Variants in NANOS3 observed in about 807,000 individuals in gnomAD.
NANOS3 encodes the protein nanos homolog 3.
NANOS3 carries 11 observed loss-of-function variants against 13.8 expected under a neutral mutation model. That is an observed-to-expected ratio of 0.80 (90% CI 0.50 to 1.32). The LOEUF is 1.32. Ranked by LOEUF, NANOS3 falls within the 40% of genes most tolerant of loss-of-function variation. The probability of loss-of-function intolerance (pLI) is 0.00; values close to 1 mark genes in which losing one functional copy is unlikely to be tolerated. For missense variants in NANOS3, 221 were observed against 263.8 expected, an observed-to-expected ratio of 0.84 and a Z score of 1.12; for synonymous variants, 119 against 115.4, an observed-to-expected ratio of 1.03 and a Z score of -0.20.
chr19:13,871,290 G>C (rs996997725), intron 1 of NANOS3, among the ~76,000 whole-genome samples: 3 of 152,146 alleles, frequency 2.0e-5, no homozygotes, highest in Non-Finnish European at 4.4e-5. Flanking sequence ...GGCTGGGCAG[G>C]AGACCCAGAT....
chr19:13,876,987 G>A (rs550801600), upstream of NANOS3, among the ~76,000 whole-genome samples: 101 of 152,130 alleles, frequency 6.6e-4, no homozygotes, highest in Non-Finnish European at 1.1e-3. Flanking sequence ...GTAGTCCCCC[G>A]GCACAGCCAG....
chr19:13,868,066 T>TTGCTCTGTCACCCAGGCTGGAG (rs373601354), intron 1 of NANOS3, among the ~76,000 whole-genome samples: 5 of 151,320 alleles, frequency 3.3e-5, no homozygotes, highest in African/African-American at 7.3e-5. Context: ...AGACAGAGTC[T>TTGCTCTGTCACCCAGGCTGGAG]TGCTCTGTCA....
chr19:13,873,883 T>C (rs1968451127), upstream of NANOS3, among the ~76,000 whole-genome samples: 1 of 136,028 alleles, frequency 7.4e-6, no homozygotes, highest in Non-Finnish European at 1.6e-5. Flanking sequence ...TAGGGGTGCG[T>C]ACCTGTAGGC....
intron 1 of NANOS3, among the ~76,000 whole-genome samples, chr19:13,878,079 C>A (rs1270962952): frequency 6.6e-6 from 1 of 151,734 alleles, no homozygotes; most frequent in Non-Finnish European, 1.5e-5. Context: ...CGGCTAATTG[C>A]CACCATGCCC....
Position 13,877,758 on chromosome 19 carries a change from A to T in NANOS3, c.510A>T (p.Gly170=). Residue 170 remains glycine, a synonymous_variant, in exon 1 of 2, where the codon GGA becomes GGT. Coordinates refer to ENST00000339133, the MANE Select transcript of NANOS3 (RefSeq NM_001098622.3). ...CAGGCCACCGCCGAGGAGGAGGAGG[A>T]GGAGCAGGTGCCTGCACAGGTGGCT... ...QDTGHRRGGG[G]GAGFRGAGKS... is the part of the protein sequence containing the mutation. The T allele has an allele frequency of 6.4e-7, 1 of 1,562,102 alleles. No homozygotes were observed.
chr19:13,877,859 T>G (rs1599305621), intron 1 of NANOS3, 94 bp downstream of exon 1: 2 of 1,457,738 alleles, frequency 1.4e-6, no homozygotes, highest in East Asian at 5.0e-5. Context: ...CCTCCAAGGG[T>G]TAGGGGAAGA....
chr19:13,873,933 G>C (rs1968454038), upstream of NANOS3, among the ~76,000 whole-genome samples: 1 of 151,968 alleles, frequency 6.6e-6, no homozygotes, highest in Non-Finnish European at 1.5e-5. Context: ...GCCGAACTCT[G>C]TGCGATCACT....
At chr19:13,874,071 A>T (rs1194597395), upstream of NANOS3, among the ~76,000 whole-genome samples, 3 of 152,100 alleles carry the variant, frequency 2.0e-5, no homozygotes, top group Non-Finnish European at 4.4e-5. Context: ...CCGAGTTCAG[A>T]TGCTGTGTGA....
Position 13,880,594 on chromosome 19 carries a change from T to TC in NANOS3, c.*97dup. 4 of 1,057,138 alleles carry TC rather than the reference T, an allele frequency of 3.8e-6. No individual in the cohort carries two copies. Among genetic ancestry groups the TC allele is most frequent in the East Asian group, 2.5e-5 (1 of 40,288 alleles). The allele number at this position is 1,057,138 out of a possible 1,614,324, so 65.5% of individuals were successfully genotyped here. ...GACGACTGCCCCCACTCCCAGACCC[T>TC]CCCCCCAGCCTGGGATTGAGCCCTG... On this transcript the variant is annotated 3_prime_UTR_variant, in exon 2 of 2. Coordinates refer to ENST00000339133, the MANE Select transcript of NANOS3 (RefSeq NM_001098622.3).
At position 13,866,037 on chromosome 19, in the gene NANOS3, C is replaced by G. The variant is rs34955945; in HGVS notation, n.21+600C>G. 2.0e-5 allele frequency among the ~76,000 whole-genome samples: 3 copies of G among 152,010 alleles called. No homozygotes were observed. In the East Asian group the frequency reaches 5.8e-4, roughly 29 times the overall value. ...CAGGCCTGGCCGCGGGCTGGGGGTG[C>G]TGCAGCCGCGCCACCTCCGGAAGCC... On this transcript the variant is annotated intron_variant and non_coding_transcript_variant, in intron 1 of 2. Transcript: ENST00000591161.
rs1013612666 is a variant in NANOS3 at position 13,870,740 on chromosome 19, TTTTG to T, written n.21+5313_21+5316del. Reference sequence around the variant, plus strand: ...GCGCCACCATGCCTGGCTACTTTTTTTTTGTTTGTTTGTATTTTTAGTAGAGATG... The same window carrying T: ...GCGCCACCATGCCTGGCTACTTTTTTTTTGTTTGTATTTTTAGTAGAGATG... On this transcript the variant is annotated intron_variant and non_coding_transcript_variant, in intron 1 of 2. Transcript: ENST00000591161. Among the ~76,000 whole-genome samples the T allele has an allele frequency of 5.7e-4, 86 of 151,428 alleles. No homozygotes were observed. The Middle Eastern group carries it at 0.01, about 18-fold the overall frequency.
upstream of NANOS3, among the ~76,000 whole-genome samples, chr19:13,863,560 G>A (rs765736730): frequency 6.6e-6 from 1 of 151,930 alleles, no homozygotes; most frequent in Non-Finnish European, 1.5e-5. Flanking sequence ...CGGCAGGGGG[G>A]CGGGCGGCAC....
chr19:13,876,755 A>G (rs1968521731), upstream of NANOS3, among the ~76,000 whole-genome samples: 2 of 152,204 alleles, frequency 1.3e-5, no homozygotes, highest in Non-Finnish European at 2.9e-5. Context: ...GGAAGGAAGA[A>G]AAAGTTATAA....
chr19:13,866,081 C>G (rs980822030), intron 1 of NANOS3, among the ~76,000 whole-genome samples: 12 of 152,112 alleles, frequency 7.9e-5, no homozygotes, highest in African/African-American at 2.9e-4. Context: ...CTGCGCGGGC[C>G]GCCCCTCCGG....
In NANOS3 at chr19:13,877,405, G is replaced by C; in HGVS notation, c.157G>C (p.Glu53Gln). 1.9e-6 allele frequency: 3 copies of C among 1,612,502 alleles called. No homozygotes were observed. The highest frequency in any genetic ancestry group is 2.5e-6 in the Non-Finnish European group (3 of 1,180,000). ...AGCCCTGGAGCCGATGCCAGCGCCG[G>C]AGTCGGTGCCAGTGCCGGGACCCAA... ...VSALEPMPAPESVPVPGPKDQ... is the reference protein window; with the variant it reads ...VSALEPMPAPQSVPVPGPKDQ... The change falls in exon 1 of 2, where the codon GAG becomes CAG. Residue 53 changes from glutamate (E) to glutamine (Q), a missense_variant. Glu to Gln is a conservative substitution (Grantham distance 29, BLOSUM62 2). Coordinates refer to ENST00000339133, the MANE Select transcript of NANOS3 (RefSeq NM_001098622.3).
Position 13,877,711 on chromosome 19 carries a change from G to A in NANOS3, c.463G>A (p.Asp155Asn), listed in dbSNP as rs750382600. 6.2e-7 allele frequency: 1 copy of A among 1,604,610 alleles called. No homozygotes were observed. Among genetic ancestry groups the A allele is most frequent in the African/African-American group, 1.3e-5 (1 of 74,696 alleles). ...GGCAGGCAAGAAGCTGGTCCGGCCT[G>A]ACAAGGCGAAGACACAGGACACAGG... ...NSAGKKLVRP[D>N]KAKTQDTGHR... Residue 155 changes from aspartate to asparagine, a missense_variant, in exon 1 of 2, where the codon GAC (aspartate) becomes AAC (asparagine). Physicochemically the swap from Asp to Asn is conservative, Grantham distance 23. Coordinates refer to ENST00000339133, the MANE Select transcript of NANOS3 (RefSeq NM_001098622.3).
At position 13,877,172 on chromosome 19, in the gene NANOS3, G is replaced by A. The variant is rs1375934447; in HGVS notation, c.-77G>A. 3 of 1,272,582 alleles carry A rather than the reference G, an allele frequency of 2.4e-6. No individual in the cohort carries two copies. The highest frequency in any genetic ancestry group is 2.3e-5 in the East Asian group (1 of 43,054). The allele number at this position is 1,272,582 out of a possible 1,614,324, so 78.8% of individuals were successfully genotyped here. On this transcript the variant is annotated 5_prime_UTR_variant, in exon 1 of 2. Coordinates refer to ENST00000339133, the MANE Select transcript of NANOS3 (RefSeq NM_001098622.3). ...GGGAAGGAAGGGGCAGCAGAGAGGG[G>A]TCAGAAGGAGGGAGCTTAAGCCAGG...
chr19:13,870,728 T>C (rs1299991245), intron 1 of NANOS3, among the ~76,000 whole-genome samples: 1 of 151,740 alleles, frequency 6.6e-6, no homozygotes, highest in Non-Finnish European at 1.5e-5. Context: ...CCACCATGCC[T>C]GGCTACTTTT....
intron 1 of NANOS3, among the ~76,000 whole-genome samples, chr19:13,866,276 G>A (rs1026456895): frequency 3.9e-5 from 6 of 152,088 alleles, no homozygotes; most frequent in Non-Finnish European, 7.4e-5. Context: ...GGGGGTGGGG[G>A]GGTGGAAAAG....
Sources: allele counts gnomAD v4.1 joint callset (sites outside exome capture counted in the v4.1 genomes callset), GRCh38; gene constraint gnomAD v4.1.1; transcripts MANE v1.5; gene names NCBI Gene and HGNC (gene_info 2026-07-23, HGNC 2026-07-21).